The following KCNJ10 variants were observed in gnomAD, a reference collection of about 807,000 sequenced individuals.
The protein encoded by KCNJ10 is potassium inwardly rectifying channel subfamily J member 10.
A neutral mutation model predicts 22.2 loss-of-function variants in KCNJ10; 9 were observed. That is an observed-to-expected ratio of 0.40 (90% CI 0.24 to 0.71). The LOEUF is 0.71. Among genes scored for constraint, KCNJ10 ranks in the 30% least tolerant of loss-of-function variants. KCNJ10 has a pLI of 0.35. For synonymous variants in KCNJ10, 184 were observed against 187.3 expected, an observed-to-expected ratio of 0.98 and a Z score of 0.15; for missense variants, 337 against 482.7, an observed-to-expected ratio of 0.70 and a Z score of 2.83.
chr1:160,045,017 A>C (rs1648705481), intron 1 of KCNJ10, among the ~76,000 whole-genome samples: 1 of 152,220 alleles, frequency 6.6e-6, no homozygotes, highest in Non-Finnish European at 1.5e-5. Flanking sequence ...TGTCTCAAAA[A>C]CAATAATAAC....
At chr1:160,049,680 TATATATATA>T (rs1557970349) in intron 1 of KCNJ10, among the ~76,000 whole-genome samples, 1,035 of 71,374 alleles carry the variant, frequency 0.015, 39 homozygotes, top group Non-Finnish European at 0.015. Flanking sequence ...TTTATTTATA[TATATATATA>T]TATATATATA....
At chr1:160,068,228 A>G (rs1425538106) in intron 1 of KCNJ10, among the ~76,000 whole-genome samples, 1 of 152,108 alleles carries the variant, frequency 6.6e-6, no homozygotes. Flanking sequence ...GGGGTTCTGC[A>G]TTAGAGCCAC....
chr1:160,042,809 C>T (rs960656893), intron 1 of KCNJ10, among the ~76,000 whole-genome samples: 6 of 151,860 alleles, frequency 4.0e-5, no homozygotes, highest in South Asian at 2.1e-4. Flanking sequence ...TGGTGGCATG[C>T]GCCTGTAGTC....
chr1:160,039,193 T>C lies in KCNJ10; in HGVS notation c.*2200A>G, dbSNP rs1648545891. The C allele has an allele frequency of 6.6e-6, 1 of 152,556 alleles. No homozygotes were observed. Among genetic ancestry groups the C allele is most frequent in the Non-Finnish European group, 1.5e-5 (1 of 68,054 alleles). 9.5% of individuals were successfully genotyped at this position (152,556 alleles called of 1,614,324 possible). Reference sequence around the variant, plus strand: ...AGTGCAACTTAAAGCAAAGCCTGGGTAATAATGGAGGAGATTCCAAAAGGG... The same window carrying C: ...AGTGCAACTTAAAGCAAAGCCTGGGCAATAATGGAGGAGATTCCAAAAGGG... On this transcript the variant is annotated 3_prime_UTR_variant, in exon 2 of 2. Transcript: ENST00000644903.
intron 1 of KCNJ10, among the ~76,000 whole-genome samples, chr1:160,065,827 C>T (rs1649312607): frequency 6.6e-6 from 1 of 152,086 alleles, no homozygotes; most frequent in Non-Finnish European, 1.5e-5. Flanking sequence ...TTCATGATGA[C>T]AATTCCAGTG....
intron 1 of KCNJ10, among the ~76,000 whole-genome samples, chr1:160,049,598 G>A (rs999700028): frequency 2.8e-5 from 4 of 145,384 alleles, no homozygotes; most frequent in Admixed American, 2.1e-4. Context: ...TAATGGCACC[G>A]CTCTTAGTAC....
intron 1 of KCNJ10, among the ~76,000 whole-genome samples, chr1:160,049,269 T>C (rs1648820754): frequency 6.6e-6 from 1 of 152,162 alleles, no homozygotes; most frequent in Non-Finnish European, 1.5e-5. Flanking sequence ...ATATAAGGCC[T>C]TCCGCAGTCT....
At chr1:160,043,336 T>C (rs1354979874) in intron 1 of KCNJ10, among the ~76,000 whole-genome samples, 1 of 150,764 alleles carries the variant, frequency 6.6e-6, no homozygotes, top group African/African-American at 2.4e-5. Flanking sequence ...CTTCATTCTC[T>C]GCTCTACCCC....
intron 1 of KCNJ10, among the ~76,000 whole-genome samples, chr1:160,050,664 G>A (rs1390795323): frequency 6.6e-6 from 1 of 152,086 alleles, no homozygotes; most frequent in African/African-American, 2.4e-5. Context: ...AACAGGGTTG[G>A]GAAAGATGAG....
intron 1 of KCNJ10, among the ~76,000 whole-genome samples, chr1:160,049,695 A>ATATATATATATATATATATT (rs1648851246): frequency 8.3e-6 from 1 of 120,526 alleles, no homozygotes; most frequent in African/African-American, 3.1e-5. Flanking sequence ...ATATATATAT[A>ATATATATATATATATATATT]TATATATATA....
chr1:160,059,370 G>A lies in KCNJ10; in HGVS notation c.-1+10652C>T, dbSNP rs192799260. The stretch of plus-strand genomic sequence containing the variant: ...CCCAAGATCACACTGCTAGCTGGTA[G>A]CTCATGTTATTTTACATCAGAATCA... On this transcript the variant is annotated intron_variant, in intron 1 of 1. Transcript: ENST00000644903. 5.3e-5 allele frequency among the ~76,000 whole-genome samples: 8 copies of A among 152,290 alleles called. No homozygotes were observed. In the East Asian group the frequency reaches 1.3e-3, roughly 26 times the overall value.
chr1:160,054,607 G>T (rs1274943827), intron 1 of KCNJ10, among the ~76,000 whole-genome samples: 1 of 152,208 alleles, frequency 6.6e-6, no homozygotes, highest in Non-Finnish European at 1.5e-5. Context: ...ATCTCAAGAG[G>T]ATCCGAGCTA....
chr1:160,062,842 G>T (rs1649235072), intron 1 of KCNJ10, among the ~76,000 whole-genome samples: 1 of 152,032 alleles, frequency 6.6e-6, no homozygotes, highest in East Asian at 1.9e-4. Context: ...TCAGGGTTTG[G>T]GGTCTTTGGG....
chr1:160,048,593 T>A (rs1648806436), intron 1 of KCNJ10, among the ~76,000 whole-genome samples: 1 of 152,220 alleles, frequency 6.6e-6, no homozygotes, highest in East Asian at 1.9e-4. Flanking sequence ...AAGAGCAAGT[T>A]GACTGAAAGG....
chr1:160,047,644 C>CA (rs1036998404), intron 1 of KCNJ10, among the ~76,000 whole-genome samples: 4 of 152,090 alleles, frequency 2.6e-5, no homozygotes, highest in South Asian at 4.1e-4. Flanking sequence ...CCCTGACTCT[C>CA]AAAAAAACAA....
At chr1:160,053,806 T>A (rs1409368723) in intron 1 of KCNJ10, among the ~76,000 whole-genome samples, 1 of 152,136 alleles carries the variant, frequency 6.6e-6, no homozygotes, top group Non-Finnish European at 1.5e-5. Context: ...CATAGTCTGA[T>A]CAAAAGAAAG....
chr1:160,051,808 A>G (rs1394843068), intron 1 of KCNJ10, among the ~76,000 whole-genome samples: 1 of 151,778 alleles, frequency 6.6e-6, no homozygotes, highest in Non-Finnish European at 1.5e-5. Flanking sequence ...TCTCATCTCT[A>G]TCAATGGTGC....
At chr1:160,054,342 T>G (rs1648974597) in intron 1 of KCNJ10, among the ~76,000 whole-genome samples, 1 of 152,136 alleles carries the variant, frequency 6.6e-6, no homozygotes, top group Non-Finnish European at 1.5e-5. Flanking sequence ...CACTGTCTCC[T>G]CAGCCCCAGC....
chr1:160,066,999 T>G (rs866095299), intron 1 of KCNJ10, among the ~76,000 whole-genome samples: 59 of 152,318 alleles, frequency 3.9e-4, no homozygotes, highest in African/African-American at 1.4e-3. Flanking sequence ...TTTCCCCAGG[T>G]GTTGTGCCAT....
Sources: allele counts gnomAD v4.1 joint callset (sites outside exome capture counted in the v4.1 genomes callset), GRCh38; gene constraint gnomAD v4.1.1; transcripts MANE v1.5; gene names NCBI Gene and HGNC (gene_info 2026-07-23, HGNC 2026-07-21).